Variants in PCDHA4 observed in about 807,000 individuals in gnomAD.
PCDHA4 encodes protocadherin alpha 4.
In PCDHA4, 49 loss-of-function variants were observed where a neutral mutation model predicts 61.4. The ratio of observed to expected loss-of-function variants is 0.80; its 90% CI spans 0.63 to 1.01. The LOEUF is 1.01. Ranked by LOEUF, PCDHA4 falls within the 50% of genes least tolerant of loss-of-function variation. The pLI, the probability that PCDHA4 is intolerant of heterozygous loss-of-function variation, is 0.00. For missense variants in PCDHA4, 1,254 were observed against 1,235.8 expected (o/e 1.01, Z -0.22); for synonymous variants, 590 against 550.3 (o/e 1.07, Z -1.01).
At chr5:140,832,322 A>C (rs187612308) in intron 1 of PCDHA4, among the ~76,000 whole-genome samples, 11 of 152,360 alleles carry the variant, frequency 7.2e-5, no homozygotes, top group African/African-American at 2.4e-4. Context: ...CTTAAGGGCC[A>C]TTAGAGGACT....
chr5:140,979,329 C>T (rs782808442), intron 2 of PCDHA4, among the ~76,000 whole-genome samples: 3 of 152,162 alleles, frequency 2.0e-5, no homozygotes, highest in Non-Finnish European at 2.9e-5. Flanking sequence ...TTCTTTTCCT[C>T]CTTTAAAAAC....
intron 1 of PCDHA4, chr5:140,928,199 C>T: frequency 6.2e-7 from 1 of 1,614,226 alleles, no homozygotes; most frequent in South Asian, 1.1e-5. Context: ...GTGTCAGTTG[C>T]TGATGTGAAT....
chr5:140,829,850 G>A lies in PCDHA4; in HGVS notation c.2385+20278G>A, dbSNP rs2150176135. 3.1e-5 allele frequency: 50 copies of A among 1,613,836 alleles called. No homozygotes were observed. Among genetic ancestry groups the A allele is most frequent in the Non-Finnish European group, 4.2e-5 (50 of 1,179,896 alleles). The stretch of plus-strand genomic sequence containing the variant: ...CGAGCTGGTGCCGCGGTCACTGGGT[G>A]CAGGCCAAGTGGTGGCGAAGGTGCG... On this transcript the variant is annotated intron_variant, in intron 1 of 3. Transcript: ENST00000530339.
chr5:140,808,876 A>G lies in PCDHA4; in HGVS notation c.1689A>G (p.Pro563=), dbSNP rs782501208. 2.5e-6 allele frequency: 4 copies of G among 1,613,190 alleles called. No individual in the cohort carries two copies. Among genetic ancestry groups the G allele is most frequent in the East Asian group, 4.5e-5 (2 of 44,884 alleles). Residue 563 remains proline (P), a synonymous_variant, in exon 1 of 4, where the codon CCA becomes CCG. Coordinates refer to ENST00000530339, the MANE Select transcript of PCDHA4 (RefSeq NM_018907.4). ...VFVLDENDNA[P]ALLAPRAGGT... ...TGCTGGACGAAAACGACAACGCGCC[A>G]GCACTGCTAGCGCCTCGGGCGGGTG...
intron 1 of PCDHA4, chr5:140,882,865 A>G (rs1554175879): frequency 6.2e-7 from 1 of 1,614,248 alleles, no homozygotes; most frequent in Non-Finnish European, 8.5e-7. Context: ...TGAGGAAAAC[A>G]CTGGACAGAG....
chr5:140,851,954 GGT>G, intron 1 of PCDHA4: 1 of 974,722 alleles, frequency 1.0e-6, no homozygotes, highest in Non-Finnish European at 1.2e-6. Flanking sequence ...CTTTCAAAAT[GGT>G]GGTTTTCCAC....
At chr5:140,990,130 G>A (rs1448603304) in intron 3 of PCDHA4, among the ~76,000 whole-genome samples, 1 of 152,066 alleles carries the variant, frequency 6.6e-6, no homozygotes, top group Admixed American at 6.6e-5. Flanking sequence ...GTAGAAGTCA[G>A]ACTCAAGAGG....
rs1554151079 is a variant in PCDHA4 at position 140,858,031 on chromosome 5, G to T, written c.2385+48459G>T. 1.2e-5 allele frequency: 19 copies of T among 1,597,102 alleles called. 3 individuals are homozygous for T. The highest frequency in any genetic ancestry group is 1.5e-5 in the Non-Finnish European group (17 of 1,167,242). On this transcript the variant is annotated intron_variant, in intron 1 of 3. Coordinates refer to ENST00000530339, the MANE Select transcript of PCDHA4 (RefSeq NM_018907.4). ...ATGGCGAGCCGTCGCTGACGGCCACGGCCACTGTGCTTGTGTCGCTTGTGG... is the reference window on the plus strand; with the variant it reads ...ATGGCGAGCCGTCGCTGACGGCCACTGCCACTGTGCTTGTGTCGCTTGTGG...
intron 1 of PCDHA4, among the ~76,000 whole-genome samples, chr5:140,838,813 T>C (rs1372139803): frequency 6.6e-6 from 1 of 151,884 alleles, no homozygotes; most frequent in Non-Finnish European, 1.5e-5. Context: ...TTTCAGCTAC[T>C]CAAGAAACTG....
intron 1 of PCDHA4, among the ~76,000 whole-genome samples, chr5:140,937,072 C>G (rs1321046541): frequency 7.0e-6 from 1 of 143,792 alleles, no homozygotes; most frequent in East Asian, 2.0e-4. Flanking sequence ...GAGTCTCGCT[C>G]TGTCGCCCAG....
Position 140,809,449 on chromosome 5 carries a change from G to A in PCDHA4, c.2262G>A (p.Arg754=), listed in dbSNP as rs1254569390. The A allele has an allele frequency of 2.5e-6, 4 of 1,614,142 alleles. No homozygotes were observed. The African/African-American group carries it at 5.3e-5, about 22-fold the overall frequency. ...GGAGCTGGTCATACTCGCAGCAGAGGAGGCCGAGGGTGTGCTCTGGTGAGG... is the reference window on the plus strand; with the variant it reads ...GGAGCTGGTCATACTCGCAGCAGAGAAGGCCGAGGGTGTGCTCTGGTGAGG... The part of the protein sequence containing the change: ...AVGSWSYSQQ[R]RPRVCSGEGP... The change falls in exon 1 of 4, where the codon AGG becomes AGA. Residue 754 remains arginine (R), a synonymous_variant. Coordinates refer to ENST00000530339, the MANE Select transcript of PCDHA4 (RefSeq NM_018907.4).
intron 3 of PCDHA4, among the ~76,000 whole-genome samples, chr5:140,995,316 A>G (rs2097676169): frequency 1.3e-5 from 2 of 152,222 alleles, no homozygotes; most frequent in South Asian, 4.1e-4. Context: ...TTCTAAGTGA[A>G]CTAACAGGTG....
intron 1 of PCDHA4, chr5:140,869,754 G>A (rs781808579): frequency 1.2e-6 from 2 of 1,613,182 alleles, no homozygotes; most frequent in Admixed American, 1.7e-5. Context: ...CTACAGACGG[G>A]GGAAAACCAG....
Position 140,883,115 on chromosome 5 carries a change from AGGCCTGTAT to A in PCDHA4, c.2385+73550_2385+73558del, listed in dbSNP as rs2059447979. The A allele has an allele frequency of 1.9e-6, 3 of 1,613,978 alleles. No homozygotes were observed. The South Asian group carries it at 3.3e-5, about 18-fold the overall frequency. ...TGGAGATATAGTTTACTCATTTAGA[AGGCCTGTAT>A]GGCCTGCAGTGGTATATGCATTTAC... On this transcript the variant is annotated intron_variant, in intron 1 of 3. Transcript: ENST00000530339.
chr5:140,986,897 T>A (rs534075146), intron 3 of PCDHA4, among the ~76,000 whole-genome samples: 13 of 152,086 alleles, frequency 8.5e-5, no homozygotes, highest in Non-Finnish European at 1.9e-4. Flanking sequence ...TTAGGCCCTA[T>A]CCTAGACTAA....
At chr5:140,884,637 A>G in intron 1 of PCDHA4, 2 of 1,610,636 alleles carry the variant, frequency 1.2e-6, no homozygotes, top group Non-Finnish European at 1.7e-6. Flanking sequence ...GGCCAGAGGG[A>G]GGAGGACTCA....
At position 140,896,858 on chromosome 5, in the gene PCDHA4, A is replaced by T. The variant is rs1448787828; in HGVS notation, c.2386-82091A>T. On this transcript the variant is annotated intron_variant, in intron 1 of 3. Coordinates refer to ENST00000530339, the MANE Select transcript of PCDHA4 (RefSeq NM_018907.4). Reference sequence around the variant, plus strand: ...TATTTTTTAATTTTATGGGTACATAATAAGTGTACATATTTATGGGGTATA... The same window carrying T: ...TATTTTTTAATTTTATGGGTACATATTAAGTGTACATATTTATGGGGTATA... Among the ~76,000 whole-genome samples, 3 of 152,310 alleles carry T rather than the reference A, an allele frequency of 2.0e-5. No homozygotes were observed. In the South Asian group the frequency reaches 6.2e-4, roughly 32 times the overall value.
chr5:140,970,473 CA>C (rs1177454514), intron 1 of PCDHA4, among the ~76,000 whole-genome samples: 4 of 151,956 alleles, frequency 2.6e-5, no homozygotes, highest in African/African-American at 9.7e-5. Flanking sequence ...GGTATAAGGC[CA>C]GCTTGTTCAT....
chr5:140,891,040 C>A (rs2062916193), intron 1 of PCDHA4, among the ~76,000 whole-genome samples: 1 of 145,080 alleles, frequency 6.9e-6, no homozygotes, highest in Admixed American at 6.6e-5. Context: ...TTAGGTGTGA[C>A]CCCCACAGCA....
Sources: gnomAD v4.1 joint callset for allele counts (sites outside exome capture counted in the v4.1 genomes callset) on GRCh38, gnomAD v4.1.1 for gene constraint, MANE v1.5 for transcripts, NCBI Gene and HGNC (gene_info 2026-07-23, HGNC 2026-07-21) for gene names.